CCDC15: variants seen among roughly 807,000 people sequenced by gnomAD.
CCDC15 encodes coiled-coil domain containing 15.
CCDC15 carries 105 observed loss-of-function variants against 114.5 expected under a neutral mutation model. The ratio of observed to expected loss-of-function variants is 0.92; its 90% CI spans 0.78 to 1.08. The LOEUF is 1.08. Ranked by LOEUF, CCDC15 falls within the 50% of genes least tolerant of loss-of-function variation. The pLI is 0.00. For missense variants in CCDC15, 1,105 were observed against 1,093.6 expected, an observed-to-expected ratio of 1.01 and a Z score of -0.15; for synonymous variants, 334 against 377.8, an observed-to-expected ratio of 0.88 and a Z score of 1.34.
intron 6 of CCDC15, among the ~76,000 whole-genome samples, chr11:124,982,923 G>T (rs1948095687): frequency 6.6e-6 from 1 of 152,172 alleles, no homozygotes; most frequent in Admixed American, 6.5e-5. Context: ...CCCTCTCAGG[G>T]ATGCCAATGA....
chr11:124,960,916 T>C (rs1247891994), intron 4 of CCDC15, among the ~76,000 whole-genome samples: 1 of 152,186 alleles, frequency 6.6e-6, no homozygotes, highest in Non-Finnish European at 1.5e-5. Context: ...TATGTGAAAA[T>C]AAAAGCTGTA....
intron 13 of CCDC15, among the ~76,000 whole-genome samples, chr11:125,028,517 T>G (rs1014531626): frequency 1.3e-5 from 2 of 152,014 alleles, no homozygotes; most frequent in Admixed American, 6.6e-5. Flanking sequence ...TGGTGGTGGT[T>G]TTGTTTTGTT....
intron 8 of CCDC15, among the ~76,000 whole-genome samples, chr11:124,989,297 G>A (rs1339192199): frequency 6.6e-6 from 1 of 152,170 alleles, no homozygotes; most frequent in East Asian, 1.9e-4. Context: ...TTTTGGAACA[G>A]TTGGTCTCAA....
chr11:125,025,047 TATATATGAATATATATATGA>T (rs1423272309), intron 13 of CCDC15, among the ~76,000 whole-genome samples: 1 of 129,854 alleles, frequency 7.7e-6, no homozygotes, highest in Non-Finnish European at 1.6e-5. Flanking sequence ...TACATATGAA[TATATATGAATATATATATGA>T]ATATATGAAT....
At chr11:124,973,984 T>A (rs936530962) in intron 4 of CCDC15, among the ~76,000 whole-genome samples, 29 of 152,144 alleles carry the variant, frequency 1.9e-4, no homozygotes, top group East Asian at 5.8e-4. Context: ...AATTTTAATT[T>A]ATTTATTTTT....
chr11:124,991,649 G>T, intron 9 of CCDC15, 66 bp downstream of exon 9: 1 of 1,378,260 alleles, frequency 7.3e-7, no homozygotes, highest in South Asian at 1.6e-5. Context: ...CCAACAACTG[G>T]TAATTTAGAA....
At chr11:125,015,751 A>G (rs1948625039) in intron 13 of CCDC15, among the ~76,000 whole-genome samples, 1 of 152,204 alleles carries the variant, frequency 6.6e-6, no homozygotes, top group South Asian at 2.1e-4. Flanking sequence ...CTTTAATACC[A>G]GCCTGATGGG....
At chr11:125,004,814 A>G (rs1002266531) in intron 12 of CCDC15, among the ~76,000 whole-genome samples, 1 of 152,056 alleles carries the variant, frequency 6.6e-6, no homozygotes, top group African/African-American at 2.4e-5. Flanking sequence ...CTCTGCTTTT[A>G]TGGTACTTAC....
chr11:125,004,383 A>G (rs1324341970), intron 12 of CCDC15, among the ~76,000 whole-genome samples: 2 of 151,980 alleles, frequency 1.3e-5, no homozygotes, highest in Non-Finnish European at 2.9e-5. Context: ...GATATACCAA[A>G]TCAGTATCTG....
Position 124,988,000 on chromosome 11 carries a change from T to G in CCDC15, c.1774T>G (p.Tyr592Asp), listed in dbSNP as rs878916683. The G allele has an allele frequency of 6.2e-7, 1 of 1,612,962 alleles. No homozygotes were observed. Among genetic ancestry groups the G allele is most frequent in the South Asian group, 1.1e-5 (1 of 91,008 alleles). Residue 592 changes from tyrosine to aspartate, a missense_variant, in exon 8 of 16, where the codon TAT (tyrosine) becomes GAT (aspartate). By Grantham distance (160) the Tyr-to-Asp change is radical. Transcript: ENST00000344762. ...DQDFLPRDQG[Y>D]LPKDQNILPI... ...GGATTTTCTACCCAGAGACCAAGGTTATCTTCCTAAAGACCAAAATATTCT... is the reference window on the plus strand; with the variant it reads ...GGATTTTCTACCCAGAGACCAAGGTGATCTTCCTAAAGACCAAAATATTCT...
intron 13 of CCDC15, among the ~76,000 whole-genome samples, chr11:125,010,799 G>C (rs1948585668): frequency 6.6e-6 from 1 of 152,118 alleles, no homozygotes; most frequent in African/African-American, 2.4e-5. Context: ...TCTTTAGTTT[G>C]AGTCCCATTT....
chr11:124,954,427 C>T (rs570073173), intron 1 of CCDC15, 57 bp downstream of exon 1: 1 of 208,538 alleles, frequency 4.8e-6, no homozygotes, highest in African/African-American at 2.3e-5. Flanking sequence ...CTTCCCGCCT[C>T]GCTGCGCCCA....
intron 6 of CCDC15, among the ~76,000 whole-genome samples, chr11:124,986,517 T>C (rs1001240700): frequency 2.0e-5 from 3 of 152,242 alleles, no homozygotes; most frequent in Non-Finnish European, 4.4e-5. Context: ...TTTCTTTCAA[T>C]TATCTTTTTA....
chr11:125,035,717 T>G (rs1222161078), intron 13 of CCDC15, among the ~76,000 whole-genome samples: 1 of 152,312 alleles, frequency 6.6e-6, no homozygotes, highest in African/African-American at 2.4e-5. Flanking sequence ...TTTATTGCTT[T>G]TTATATTTTG....
At chr11:124,997,379 T>G (rs1031575800) in intron 11 of CCDC15, among the ~76,000 whole-genome samples, 2 of 152,190 alleles carry the variant, frequency 1.3e-5, no homozygotes, top group African/African-American at 4.8e-5. Flanking sequence ...AAGCCTCAAA[T>G]GAGTGGCTCA....
intron 13 of CCDC15, among the ~76,000 whole-genome samples, chr11:125,025,494 G>A (rs1004240280): frequency 1.1e-4 from 17 of 151,848 alleles, no homozygotes; most frequent in African/African-American, 3.9e-4. Flanking sequence ...TGTTAAATTG[G>A]CATTGTTTAG....
At chr11:124,954,973 A>G (rs1947523962) in intron 2 of CCDC15, 64 bp downstream of exon 2, 1 of 1,437,892 alleles carries the variant, frequency 7.0e-7, no homozygotes, top group African/African-American at 1.4e-5. Context: ...AGCCTTCTCT[A>G]ATCCTGGGTG....
intron 5 of CCDC15, 56 bp from the exon 6 acceptor site, chr11:124,977,422 C>T: frequency 6.9e-7 from 1 of 1,449,298 alleles, no homozygotes; most frequent in Non-Finnish European, 9.2e-7. Context: ...AACTTAGTCT[C>T]ATGAATATGT....
In CCDC15 at chr11:125,038,923, A is replaced by G. The variant is rs1948795710; in HGVS notation, c.2588A>G (p.Tyr863Cys). 1 of 1,612,898 alleles carries G rather than the reference A, an allele frequency of 6.2e-7. No individual in the cohort carries two copies. Among genetic ancestry groups the G allele is most frequent in the Non-Finnish European group, 8.5e-7 (1 of 1,179,232 alleles). Reference sequence around the variant, plus strand: ...CTGATTATACTTTATTTGTACAGATATGTAGAAGCTTTACGAGCCCAAATC... The same window carrying G: ...CTGATTATACTTTATTTGTACAGATGTGTAGAAGCTTTACGAGCCCAAATC... ...KQQREKEYLR[Y>C]VEALRAQIQE... The change falls in exon 15 of 16, where the codon TAT becomes TGT. Residue 863 changes from tyrosine (Y) to cysteine (C), a missense_variant and splice_region_variant. By Grantham distance (194) the Tyr-to-Cys change is radical. Coordinates refer to ENST00000344762, the MANE Select transcript of CCDC15 (RefSeq NM_025004.3).
Sources: allele counts gnomAD v4.1 joint callset (sites outside exome capture counted in the v4.1 genomes callset), GRCh38; gene constraint gnomAD v4.1.1; transcripts MANE v1.5; gene names NCBI Gene and HGNC (gene_info 2026-07-23, HGNC 2026-07-21).